The following WDR48 variants were observed in gnomAD, a reference collection of about 807,000 sequenced individuals.
WDR48 encodes WD repeat domain 48.
WDR48 carries 22 observed loss-of-function variants against 94.0 expected under a neutral mutation model. The ratio of observed to expected loss-of-function variants is 0.23; its 90% CI spans 0.17 to 0.33. The LOEUF is 0.33. Among genes scored for constraint, WDR48 ranks in the 10% least tolerant of loss-of-function variants. The pLI, the probability that WDR48 is intolerant of heterozygous loss-of-function variation, is 1.00. For synonymous variants in WDR48, 278 were observed against 280.5 expected, an observed-to-expected ratio of 0.99 and a Z score of 0.09; for missense variants, 541 against 813.8, an observed-to-expected ratio of 0.66 and a Z score of 4.08.
chr3:39,084,001 G>A (rs1166620931), intron 11 of WDR48, among the ~76,000 whole-genome samples, 154 bp from the exon 12 acceptor site: 1 of 152,108 alleles, frequency 6.6e-6, no homozygotes, highest in East Asian at 1.9e-4. Flanking sequence ...GCAGCAGATT[G>A]TTATTTTAAA....
At chr3:39,083,477 G>A (rs2034638130) in intron 11 of WDR48, among the ~76,000 whole-genome samples, 1 of 152,178 alleles carries the variant, frequency 6.6e-6, no homozygotes, top group African/African-American at 2.4e-5. Context: ...ACAGTCAGAA[G>A]GGACACCGTT....
chr3:39,075,021 C>A, intron 8 of WDR48, 71 bp downstream of exon 8: 1 of 1,469,112 alleles, frequency 6.8e-7, no homozygotes. Context: ...AGAGCAAAAG[C>A]TATATTAAAA....
Position 39,067,051 on chromosome 3 carries a change from C to T in WDR48, c.481+176C>T, listed in dbSNP as rs558216450. Among the ~76,000 whole-genome samples, 225 of 152,330 alleles carry T rather than the reference C, an allele frequency of 1.5e-3. No homozygotes were observed. Among genetic ancestry groups the T allele is most frequent in the Middle Eastern group, 3.4e-3 (1 of 294 alleles). ...TGATTGAACAACAAAGAGCTAGTTC[C>T]TCACTGCAGTCTAAAAATGGTAACT... On this transcript the variant is annotated intron_variant, in intron 5 of 18. Transcript: ENST00000302313.
At chr3:39,087,792 C>CAA (rs939963225) in intron 14 of WDR48, 1 of 167,714 alleles carries the variant, frequency 6.0e-6, no homozygotes, top group African/African-American at 2.4e-5. Context: ...AAAACAAAAA[C>CAA]AAAAAAACTC....
rs533573998 is a variant in WDR48 at position 39,057,960 on chromosome 3, ATTTG to A, written c.49-5087_49-5084del. Among the ~76,000 whole-genome samples the A allele has an allele frequency of 2.1e-3, 313 of 152,272 alleles. 2 individuals carry two copies. The highest frequency in any genetic ancestry group is 7.1e-3 in the African/African-American group (296 of 41,552). Reference sequence around the variant, plus strand: ...TATGTATAGTCTTCAAAACTTGTGTATTTGTTCTGAAATATTTAATATTTTGAAA... The same window carrying A: ...TATGTATAGTCTTCAAAACTTGTGTATTCTGAAATATTTAATATTTTGAAA... On this transcript the variant is annotated intron_variant, in intron 1 of 18. Transcript: ENST00000302313.
intron 9 of WDR48, among the ~76,000 whole-genome samples, chr3:39,077,658 T>C (rs188619843): frequency 3.4e-4 from 52 of 152,288 alleles, no homozygotes; most frequent in African/African-American, 1.2e-3. Context: ...AGAACAGGGA[T>C]AGAGATAGAG....
chr3:39,070,292 T>C (rs2033852980), intron 7 of WDR48, among the ~76,000 whole-genome samples: 1 of 152,244 alleles, frequency 6.6e-6, no homozygotes, highest in Non-Finnish European at 1.5e-5. Context: ...TACTTTTTCA[T>C]CAATGTAGAT....
chr3:39,067,724 A>G (rs2033693730), intron 5 of WDR48, among the ~76,000 whole-genome samples: 1 of 152,238 alleles, frequency 6.6e-6, no homozygotes, highest in South Asian at 2.1e-4. Flanking sequence ...CATAGACAAT[A>G]CAGTTTTACT....
At chr3:39,066,985 T>A in intron 5 of WDR48, 110 bp downstream of exon 5, 1 of 1,325,986 alleles carries the variant, frequency 7.5e-7, no homozygotes, top group Non-Finnish European at 1.0e-6. Context: ...TTTCATATTT[T>A]GAGAGTGCTT....
chr3:39,087,595 G>A (rs2034876521), intron 14 of WDR48, among the ~76,000 whole-genome samples: 1 of 152,116 alleles, frequency 6.6e-6, no homozygotes, highest in Non-Finnish European at 1.5e-5. Flanking sequence ...CTCCAGCCTG[G>A]GCAACAGAAT....
intron 7 of WDR48, among the ~76,000 whole-genome samples, chr3:39,073,223 TCTCA>T (rs1443216224): frequency 6.6e-6 from 1 of 152,184 alleles, no homozygotes; most frequent in African/African-American, 2.4e-5. Context: ...TTGCCACATT[TCTCA>T]CTCACATATG....
rs930515875 is a variant in WDR48 at position 39,055,524 on chromosome 3, G to T, written c.48+3451G>T. 4.6e-5 allele frequency among the ~76,000 whole-genome samples: 7 copies of T among 152,070 alleles called. No homozygotes were observed. The South Asian group carries it at 6.2e-4, about 14-fold the overall frequency. ...ATGATACTTAAAATCAGTGGAGAGG[G>T]GTCCAAACATACTGCATATTAATTG... On this transcript the variant is annotated intron_variant, in intron 1 of 18. Coordinates refer to ENST00000302313, the MANE Select transcript of WDR48 (RefSeq NM_020839.4).
At chr3:39,083,758 A>G (rs1310961138) in intron 11 of WDR48, among the ~76,000 whole-genome samples, 1 of 152,190 alleles carries the variant, frequency 6.6e-6, no homozygotes, top group Non-Finnish European at 1.5e-5. Flanking sequence ...GGCCTCAGAG[A>G]AATAAGTTTT....
chr3:39,077,280 C>T, intron 9 of WDR48, 67 bp downstream of exon 9: 1 of 1,574,368 alleles, frequency 6.4e-7, no homozygotes, highest in Non-Finnish European at 8.7e-7. Flanking sequence ...CCTGTAGACG[C>T]CAGTTGCAAA....
At chr3:39,061,946 TTTG>T (rs542071630) in intron 1 of WDR48, among the ~76,000 whole-genome samples, 186 of 152,190 alleles carry the variant, frequency 1.2e-3, no homozygotes, top group African/African-American at 3.7e-3. Flanking sequence ...TGGGGTTGTT[TTTG>T]TTGTTGTTGT....
intron 3 of WDR48, 29 bp from the exon 4 acceptor site, chr3:39,066,519 G>C: frequency 6.3e-7 from 1 of 1,590,894 alleles, no homozygotes; most frequent in East Asian, 2.2e-5. Flanking sequence ...ATACTACTAA[G>C]GAGTTTGTTA....
At chr3:39,065,066 C>G (rs1354908545) in intron 2 of WDR48, among the ~76,000 whole-genome samples, 1 of 152,160 alleles carries the variant, frequency 6.6e-6, no homozygotes, top group Non-Finnish European at 1.5e-5. Flanking sequence ...GTCAAACAGA[C>G]TTGTACAGAG....
At chr3:39,061,758 T>C (rs372995310) in intron 1 of WDR48, among the ~76,000 whole-genome samples, 3 of 152,158 alleles carry the variant, frequency 2.0e-5, no homozygotes, top group African/African-American at 7.2e-5. Flanking sequence ...CTCTCCAGCA[T>C]CTGTTGTTTC....
Position 39,073,452 on chromosome 3 carries a change from G to A in WDR48, c.673-1274G>A, listed in dbSNP as rs184383805. On this transcript the variant is annotated intron_variant, in intron 7 of 18. Coordinates refer to ENST00000302313, the MANE Select transcript of WDR48 (RefSeq NM_020839.4). Reference sequence around the variant, plus strand: ...GGCCAGTAAATTTTTATTCCTGAAGGCCTCATGTATTTGGGCACCTTCCAA... The same window carrying A: ...GGCCAGTAAATTTTTATTCCTGAAGACCTCATGTATTTGGGCACCTTCCAA... Among the ~76,000 whole-genome samples the A allele has an allele frequency of 2.2e-3, 338 of 152,126 alleles. 2 individuals are homozygous for A. The highest frequency in any genetic ancestry group is 7.8e-3 in the African/African-American group (323 of 41,508).
Sources: gnomAD v4.1 joint callset for allele counts (sites outside exome capture counted in the v4.1 genomes callset) on GRCh38, gnomAD v4.1.1 for gene constraint, MANE v1.5 for transcripts, NCBI Gene and HGNC (gene_info 2026-07-23, HGNC 2026-07-21) for gene names.